Variants in LAMB2 observed in about 807,000 individuals in gnomAD.
The protein encoded by LAMB2 is laminin subunit beta-2.
Under a neutral mutation model 202.7 loss-of-function variants are expected in LAMB2, and 119 were observed. The observed-to-expected ratio is 0.59, with a 90% CI of 0.51 to 0.68. The LOEUF is 0.68. Ranked by LOEUF, LAMB2 falls within the 30% of genes least tolerant of loss-of-function variation. The pLI is 0.00. For missense variants in LAMB2, 2,124 were observed against 2,410.6 expected (o/e 0.88, Z 2.49); for synonymous variants, 818 against 902.2 (o/e 0.91, Z 1.67).
chr3:49,129,583 T>C lies in LAMB2; in HGVS notation c.1518+21A>G. The C allele has an allele frequency of 6.3e-7, 1 of 1,587,134 alleles. No individual in the cohort carries two copies. The highest frequency in any genetic ancestry group is 8.7e-7 in the Non-Finnish European group (1 of 1,156,008). The stretch of plus-strand genomic sequence containing the variant: ...TAAGGACAAATCATGCCCCTAGAAC[T>C]CCAGCCCCTTCCAGTCGCACCAGGC... On this transcript the variant is annotated intron_variant, in intron 11 of 31. Transcript: ENST00000305544. The surrounding 1 kb of genome is among the most constrained non-coding windows in gnomAD (Gnocchi z 6.1).
At position 49,124,302 on chromosome 3, in the gene LAMB2, G is replaced by A; in HGVS notation, c.3328-16C>T. Reference sequence around the variant, plus strand: ...GCCCTGTGAACTGGGGTGGGAACAAGGCAGGGTCAGAGCCTCTATAAGAGG... The same window carrying A: ...GCCCTGTGAACTGGGGTGGGAACAAAGCAGGGTCAGAGCCTCTATAAGAGG... On this transcript the variant is annotated splice_polypyrimidine_tract_variant and intron_variant, in intron 22 of 31. Coordinates refer to ENST00000305544, the MANE Select transcript of LAMB2 (RefSeq NM_002292.4). 1.2e-6 allele frequency: 2 copies of A among 1,613,920 alleles called. No homozygotes were observed. Among genetic ancestry groups the A allele is most frequent in the Non-Finnish European group, 1.7e-6 (2 of 1,179,978 alleles).
In LAMB2 at chr3:49,123,439, C is replaced by T. The variant is rs768410205; in HGVS notation, c.3982+8G>A. ...CTGGTCCACCTGCCTAGTTGGCTAA[C>T]AACTCACCCAGGAAGTTTGAATGTT... On this transcript the variant is annotated splice_region_variant and intron_variant, in intron 25 of 31. Transcript: ENST00000305544. 1.1e-5 allele frequency: 17 copies of T among 1,614,026 alleles called. No homozygotes were observed. Among genetic ancestry groups the T allele is most frequent in the Non-Finnish European group, 1.4e-5 (17 of 1,180,062 alleles).
chr3:49,132,356 C>A lies in LAMB2; in HGVS notation c.299G>T (p.Arg100Ile). The change falls in exon 3 of 32, where the codon AGA (arginine) becomes ATA (isoleucine). Residue 100 changes from arginine to isoleucine, a missense_variant. This residue lies in a region of LAMB2 where 166 missense variants were observed against 158.2 expected (regional missense o/e 1.05). Transcript: ENST00000305544. The surrounding 1 kb of genome is among the most constrained non-coding windows in gnomAD (Gnocchi z 4.6). Reference sequence around the variant, plus strand: ...GATGCGATGGCTGTGTGGGTTGTCTCTAGCAGAGAAGGGGCGCCGGGAGTC... The same window carrying A: ...GATGCGATGGCTGTGTGGGTTGTCTATAGCAGAGAAGGGGCGCCGGGAGTC... Reference protein sequence around the residue: ...LCDSRRPFSARDNPHSHRIQN... With the variant: ...LCDSRRPFSAIDNPHSHRIQN... 1.2e-6 allele frequency: 2 copies of A among 1,614,252 alleles called. No individual in the cohort carries two copies. Among genetic ancestry groups the A allele is most frequent in the Non-Finnish European group, 1.7e-6 (2 of 1,180,044 alleles).
chr3:49,130,763 T>TC lies in LAMB2; in HGVS notation c.1012dup (p.Asp338GlyfsTer4), dbSNP rs1183275061. Reference sequence around the variant, plus strand: ...ACTCCTACAGGCATGACTATGGCCGTCCTCAGCCGGACGCCAGGGCAGGTC... The same window carrying TC: ...ACTCCTACAGGCATGACTATGGCCGTCCCTCAGCCGGACGCCAGGGCAGGTC... On this transcript the variant is annotated frameshift_variant, in exon 8 of 32. Transcript: ENST00000305544. LOFTEE classifies it high-confidence loss of function. The surrounding 1 kb of genome is among the most constrained non-coding windows in gnomAD (Gnocchi z 5.0). 6.2e-7 allele frequency: 1 copy of TC among 1,614,118 alleles called. No individual in the cohort carries two copies. The highest frequency in any genetic ancestry group is 8.5e-7 in the Non-Finnish European group (1 of 1,180,028).
In LAMB2 at chr3:49,132,533, G is replaced by C; in HGVS notation, c.207C>G (p.Gly69=). ...TGCAGTAGGGCTGGGGGCCATTCAG[G>C]CCACAAGTGGATGAGGCAGTCAGTC... ...ADRLTASSTC[G]LNGPQPYCIV... Residue 69 remains glycine, a synonymous_variant, in exon 2 of 32, where the codon GGC becomes GGG. Coordinates refer to ENST00000305544, the MANE Select transcript of LAMB2 (RefSeq NM_002292.4). The surrounding 1 kb of genome is among the most constrained non-coding windows in gnomAD (Gnocchi z 4.6). 4 of 1,613,706 alleles carry C rather than the reference G, an allele frequency of 2.5e-6. No homozygotes were observed. The highest frequency in any genetic ancestry group is 3.4e-6 in the Non-Finnish European group (4 of 1,180,038).
rs2045331828 is a variant in LAMB2, at chr3:49,122,385, CA to C, written c.4574-16del. The C allele has an allele frequency of 2.5e-6, 4 of 1,610,600 alleles. No individual in the cohort carries two copies. The highest frequency in any genetic ancestry group is 1.7e-6 in the Non-Finnish European group (2 of 1,177,796). On this transcript the variant is annotated splice_polypyrimidine_tract_variant and intron_variant, in intron 27 of 31. Coordinates refer to ENST00000305544, the MANE Select transcript of LAMB2 (RefSeq NM_002292.4). The stretch of plus-strand genomic sequence containing the variant: ...AGCCCCCTCCTCTATAGGGACACAG[CA>C]AGAACTTAAGAACATAGATTCTCCA...
In LAMB2 at chr3:49,132,762, C is replaced by T; in HGVS notation, c.76+30G>A. 1 of 1,613,962 alleles carries T rather than the reference C, an allele frequency of 6.2e-7. No homozygotes were observed. The highest frequency in any genetic ancestry group is 8.5e-7 in the Non-Finnish European group (1 of 1,179,810). On this transcript the variant is annotated intron_variant, in intron 1 of 31. Coordinates refer to ENST00000305544, the MANE Select transcript of LAMB2 (RefSeq NM_002292.4). The surrounding 1 kb of genome is among the most constrained non-coding windows in gnomAD (Gnocchi z 4.6). The stretch of plus-strand genomic sequence containing the variant: ...TACCAGGACCTACCATCACATTCCA[C>T]AACCCCCAGCCCCCACCAGGCCCTC...
chr3:49,126,603 G>C, intron 15 of LAMB2, 106 bp from the exon 16 acceptor site: 1 of 1,479,408 alleles, frequency 6.8e-7, no homozygotes, highest in East Asian at 2.3e-5. Context: ...GGCCAAAGCA[G>C]AGACTATGGC....
intron 15 of LAMB2, among the ~76,000 whole-genome samples, chr3:49,127,861 A>G (rs2107641599): frequency 6.6e-6 from 1 of 151,864 alleles, no homozygotes; most frequent in South Asian, 2.1e-4. Context: ...TCTACTAAAA[A>G]TACAAAAAAC....
chr3:49,121,699 G>A lies in LAMB2; in HGVS notation c.5085C>T (p.Ala1695=). 3 of 1,614,022 alleles carry A rather than the reference G, an allele frequency of 1.9e-6. No individual in the cohort carries two copies. The highest frequency in any genetic ancestry group is 2.5e-6 in the Non-Finnish European group (3 of 1,180,030). The part of the protein sequence containing the change: ...EETAGSAQGR[A]QEAEQLLRGP... ...CTCAACCCACCTGCTCAGCCTCCTG[G>A]GCACGACCCTGGGCACTGCCTGCCG... Residue 1695 remains alanine, a synonymous_variant, in exon 30 of 32, where the codon GCC becomes GCT. Transcript: ENST00000305544.
Position 49,133,001 on chromosome 3 carries a change from A to G in LAMB2, c.-134T>C, listed in dbSNP as rs2045498480. 2 of 765,964 alleles carry G rather than the reference A, an allele frequency of 2.6e-6. No individual in the cohort carries two copies. Among genetic ancestry groups the G allele is most frequent in the African/African-American group, 3.4e-5 (2 of 58,214 alleles). 47.4% of individuals were successfully genotyped at this position (765,964 alleles called of 1,614,324 possible). Reference sequence around the variant, plus strand: ...CCCTCCAGGCCCTCTGTCAGTTCCCAGGTCTGTCCAGCGGTCCCTCCGACA... The same window carrying G: ...CCCTCCAGGCCCTCTGTCAGTTCCCGGGTCTGTCCAGCGGTCCCTCCGACA... On this transcript the variant is annotated 5_prime_UTR_variant, in exon 1 of 32. Transcript: ENST00000305544.
chr3:49,122,625 G>C, intron 27 of LAMB2, 79 bp downstream of exon 27: 1 of 1,239,366 alleles, frequency 8.1e-7, no homozygotes, highest in South Asian at 1.2e-5. Context: ...TGAGGCTCAA[G>C]TATGAACCAA....
In LAMB2 at chr3:49,125,008, G is replaced by A. The variant is rs764009381; in HGVS notation, c.2882C>T (p.Thr961Met). ...CACGCCTGCCCCCATCCACTCACCC[G>A]TATAGCCTGCCCGGCAGTGGCACAC... is the stretch of plus-strand genomic sequence containing the variant. ...QIVCHCRAGY[T>M]GLRCEACAPG... Residue 961 changes from threonine to methionine, a missense_variant and splice_region_variant, in exon 20 of 32, where the codon ACG (threonine) becomes ATG (methionine). Coordinates refer to ENST00000305544, the MANE Select transcript of LAMB2 (RefSeq NM_002292.4). The A allele has an allele frequency of 8.1e-6, 13 of 1,613,790 alleles. No individual in the cohort carries two copies. The highest frequency in any genetic ancestry group is 1.7e-5 in the Admixed American group (1 of 59,998).
chr3:49,128,933 C>A, intron 13 of LAMB2, 87 bp downstream of exon 13: 1 of 1,600,472 alleles, frequency 6.2e-7, no homozygotes, highest in Non-Finnish European at 8.5e-7. Context: ...CCTATCCCCT[C>A]AACAAGGTAC....
chr3:49,132,981 C>T lies in LAMB2; in HGVS notation c.-114G>A. On this transcript the variant is annotated 5_prime_UTR_variant, in exon 1 of 32. Transcript: ENST00000305544. This position sits in a 1 kb window ranked among gnomAD's most constrained non-coding sequence, Gnocchi z 4.6. ...TGTGGGTCTTTGGCCTGTTTCCCTC[C>T]AGGCCCTCTGTCAGTTCCCAGGTCT... 2.2e-6 allele frequency: 2 copies of T among 910,594 alleles called. No individual in the cohort carries two copies. Among genetic ancestry groups the T allele is most frequent in the East Asian group, 2.6e-5 (1 of 39,096 alleles). 56.4% of individuals were successfully genotyped at this position (910,594 alleles called of 1,614,324 possible).
In LAMB2 at chr3:49,123,877, C is replaced by T. The variant is rs760166800; in HGVS notation, c.3648G>A (p.Gln1216=). 5.0e-6 allele frequency: 8 copies of T among 1,613,388 alleles called. No homozygotes were observed. ...ARTQRLEQRA[Q]ELQQTGVLGA... is the part of the protein sequence containing the mutation. Reference sequence around the variant, plus strand: ...CCAGCACACCCGTCTGTTGCAACTCCTGCGCCCGCTGCTCTAGGCGCTGTG... The same window carrying T: ...CCAGCACACCCGTCTGTTGCAACTCTTGCGCCCGCTGCTCTAGGCGCTGTG... The change falls in exon 24 of 32, where the codon CAG becomes CAA. Residue 1216 remains glutamine (Q), a synonymous_variant. Coordinates refer to ENST00000305544, the MANE Select transcript of LAMB2 (RefSeq NM_002292.4).
Position 49,125,248 on chromosome 3 carries a change from C to T in LAMB2, c.2720+5G>A, listed in dbSNP as rs2045399460. 1 of 1,613,758 alleles carries T rather than the reference C, an allele frequency of 6.2e-7. No homozygotes were observed. Among genetic ancestry groups the T allele is most frequent in the Admixed American group, 1.7e-5 (1 of 60,012 alleles). On this transcript the variant is annotated splice_donor_5th_base_variant and intron_variant, in intron 19 of 31. Coordinates refer to ENST00000305544, the MANE Select transcript of LAMB2 (RefSeq NM_002292.4). The stretch of plus-strand genomic sequence containing the variant: ...CCAACCCACTCATAGCTGCTCCAGT[C>T]TCACCTTTCACAGTGCTCACCCCCT...
intron 25 of LAMB2, 21 bp from the exon 26 acceptor site, chr3:49,123,394 C>T: frequency 6.2e-7 from 1 of 1,614,022 alleles, no homozygotes; most frequent in Non-Finnish European, 8.5e-7. Context: ...CAGAGGCAGA[C>T]AGTCAGCTGA....
rs138929892 is a variant in LAMB2 at position 49,131,511 on chromosome 3, C to A, written c.648+24G>T. 3.0e-5 allele frequency: 48 copies of A among 1,613,990 alleles called. No individual in the cohort carries two copies. In the African/African-American group the frequency reaches 6.0e-4, roughly 20 times the overall value. ...GGCCCATCATCCCCAGCTTCCAGCC[C>A]CCAGCCCAGATGCCAGCCCTCACCT... On this transcript the variant is annotated intron_variant, in intron 5 of 31. Transcript: ENST00000305544. This position sits in a 1 kb window ranked among gnomAD's most constrained non-coding sequence, Gnocchi z 5.0.
Sources: allele counts gnomAD v4.1 joint callset (sites outside exome capture counted in the v4.1 genomes callset), GRCh38; gene constraint gnomAD v4.1.1; regional missense constraint gnomAD v4.1.1; non-coding constraint Gnocchi (gnomAD v3.1); transcripts MANE v1.5; gene names NCBI Gene and HGNC (gene_info 2026-07-23, HGNC 2026-07-21).